The following LPP variants were observed in gnomAD, a reference collection of about 807,000 sequenced individuals.
LPP encodes the protein LIM domain containing preferred translocation partner in lipoma.
A neutral mutation model predicts 60.4 loss-of-function variants in LPP; 38 were observed. The ratio of observed to expected loss-of-function variants is 0.63; its 90% confidence interval spans 0.49 to 0.83. The LOEUF (loss-of-function observed/expected upper bound fraction) is 0.83, where lower values mean the gene tolerates loss of function less well. LPP is among the 40% of genes least tolerant of loss of function. LPP has a pLI of 0.00. For synonymous variants in LPP, 328 were observed against 290.8 expected (o/e 1.13, Z -1.30); for missense variants, 902 against 783.6 (o/e 1.15, Z -1.80).
At chr3:188,732,310 T>C (rs1720907041) in intron 8 of LPP, among the ~76,000 whole-genome samples, 1 of 152,170 alleles carries the variant, frequency 6.6e-6, no homozygotes, top group African/African-American at 2.4e-5. Flanking sequence ...TTCTAAGATC[T>C]AGATGGGAGG....
At chr3:188,213,897 A>G (rs1712321063) in intron 1 of LPP, among the ~76,000 whole-genome samples, 1 of 151,308 alleles carries the variant, frequency 6.6e-6, no homozygotes, top group South Asian at 2.1e-4. Flanking sequence ...CTATTCTTGA[A>G]GCTGTAAGAA....
chr3:188,426,660 G>C (rs1010002557), intron 4 of LPP, among the ~76,000 whole-genome samples: 8 of 152,090 alleles, frequency 5.3e-5, no homozygotes, highest in African/African-American at 1.9e-4. Flanking sequence ...TATATATTTA[G>C]GGTAGTTAGC....
At chr3:188,232,632 G>A (rs1720498782) in intron 2 of LPP, among the ~76,000 whole-genome samples, 2 of 151,676 alleles carry the variant, frequency 1.3e-5, no homozygotes, top group Non-Finnish European at 2.9e-5. Context: ...GGGATTACAG[G>A]TGTGAGCTGC....
chr3:188,238,084 T>C (rs1409168172), intron 2 of LPP, among the ~76,000 whole-genome samples: 1 of 152,214 alleles, frequency 6.6e-6, no homozygotes, highest in Non-Finnish European at 1.5e-5. Flanking sequence ...ACTTACTGCT[T>C]TTCCTTGCAC....
At chr3:188,275,085 G>A (rs1013572471) in intron 2 of LPP, among the ~76,000 whole-genome samples, 7 of 152,174 alleles carry the variant, frequency 4.6e-5, no homozygotes, top group African/African-American at 1.4e-4. Context: ...TAGTTCTACA[G>A]CATGTGGTGG....
intron 8 of LPP, among the ~76,000 whole-genome samples, chr3:188,753,698 C>G (rs149801412): frequency 3.9e-4 from 59 of 151,898 alleles, no homozygotes; most frequent in African/African-American, 1.4e-3. Context: ...GTGACTGTCT[C>G]CGAAACTGTT....
intron 10 of LPP, among the ~76,000 whole-genome samples, chr3:188,870,101 G>C (rs902509470): frequency 3.9e-5 from 6 of 152,052 alleles, no homozygotes; most frequent in Non-Finnish European, 7.4e-5. Flanking sequence ...GCTGTAGATA[G>C]CACTTACCAC....
intron 7 of LPP, among the ~76,000 whole-genome samples, chr3:188,625,105 A>T (rs1580487636): frequency 6.6e-6 from 1 of 152,158 alleles, no homozygotes; most frequent in African/African-American, 2.4e-5. Flanking sequence ...TTCAGTCATA[A>T]AAATGTCCTA....
chr3:188,327,208 T>A (rs1758667633), intron 2 of LPP, among the ~76,000 whole-genome samples: 1 of 152,216 alleles, frequency 6.6e-6, no homozygotes, highest in Non-Finnish European at 1.5e-5. Flanking sequence ...CTGGATACTT[T>A]CGCTTCTCTA....
chr3:188,405,358 A>G (rs1174412677), intron 3 of LPP, among the ~76,000 whole-genome samples: 2 of 152,212 alleles, frequency 1.3e-5, no homozygotes, highest in Non-Finnish European at 2.9e-5. Flanking sequence ...GAATAAATTT[A>G]AACTCAACTG....
intron 5 of LPP, among the ~76,000 whole-genome samples, chr3:188,488,933 G>A (rs1435893529): frequency 6.6e-6 from 1 of 152,032 alleles, no homozygotes; most frequent in East Asian, 1.9e-4. Context: ...CACCGCGCCC[G>A]GCCAGTTAGT....
intron 7 of LPP, among the ~76,000 whole-genome samples, chr3:188,700,388 G>T (rs1455977238): frequency 2.0e-5 from 3 of 152,078 alleles, no homozygotes; most frequent in African/African-American, 7.2e-5. Context: ...ACAGATAGTG[G>T]GTATCCATTT....
At chr3:188,812,883 G>T (rs1220048627) in intron 9 of LPP, among the ~76,000 whole-genome samples, 1 of 151,766 alleles carries the variant, frequency 6.6e-6, no homozygotes, top group Non-Finnish European at 1.5e-5. Context: ...GTTTGATTTG[G>T]GGAAAAAATT....
chr3:188,321,553 A>T (rs1578093228), intron 2 of LPP, among the ~76,000 whole-genome samples: 1 of 152,340 alleles, frequency 6.6e-6, no homozygotes, highest in Non-Finnish European at 1.5e-5. Context: ...TCATTTTAAA[A>T]AGTCTAATTC....
chr3:188,661,428 A>T (rs1303125063), intron 7 of LPP, among the ~76,000 whole-genome samples: 1 of 152,200 alleles, frequency 6.6e-6, no homozygotes, highest in African/African-American at 2.4e-5. Context: ...TGCCTTCCAA[A>T]GTATCTGTAC....
At chr3:188,688,699 C>G (rs1002266526) in intron 7 of LPP, 4 of 427,900 alleles carry the variant, frequency 9.3e-6, no homozygotes. Context: ...TATGGCTTGT[C>G]TATTCAGCAA....
intron 2 of LPP, among the ~76,000 whole-genome samples, chr3:188,304,687 T>C (rs1750951403): frequency 6.6e-6 from 1 of 152,190 alleles, no homozygotes; most frequent in Admixed American, 6.5e-5. Context: ...CAGCAAATAA[T>C]TGTAGACTTG....
At chr3:188,272,113 G>A (rs1367453023) in intron 2 of LPP, among the ~76,000 whole-genome samples, 1 of 152,136 alleles carries the variant, frequency 6.6e-6, no homozygotes, top group Non-Finnish European at 1.5e-5. Context: ...AAAGACATCT[G>A]TGTTCTGATG....
chr3:188,824,725 C>G (rs1754921605), intron 9 of LPP, among the ~76,000 whole-genome samples: 1 of 152,162 alleles, frequency 6.6e-6, no homozygotes, highest in South Asian at 2.1e-4. Flanking sequence ...GATGTGAGAT[C>G]AGCAGACTTG....
Sources: allele counts gnomAD v4.1 joint callset (sites outside exome capture counted in the v4.1 genomes callset), GRCh38; gene constraint gnomAD v4.1.1; transcripts MANE v1.5; gene names NCBI Gene and HGNC (gene_info 2026-07-23, HGNC 2026-07-21).